The following SLC35F3 variants were observed in gnomAD, a reference collection of about 807,000 sequenced individuals.
SLC35F3 encodes solute carrier family 35 member F3, also known as putative thiamine transporter SLC35F3.
A neutral mutation model predicts 49.9 loss-of-function variants in SLC35F3; 25 were observed. That is an observed-to-expected ratio of 0.50 (90% CI 0.37 to 0.70). The LOEUF (loss-of-function observed/expected upper bound fraction) is 0.70. SLC35F3 is among the 30% of genes least tolerant of loss of function. The pLI, the probability that SLC35F3 is intolerant of heterozygous loss-of-function variation, is 0.00. For missense variants in SLC35F3, 525 were observed against 639.8 expected (o/e 0.82, Z 1.94); for synonymous variants, 275 against 265.4 (o/e 1.04, Z -0.35).
intron 2 of SLC35F3, among the ~76,000 whole-genome samples, chr1:234,165,564 T>C (rs1000638073): frequency 7.9e-5 from 12 of 152,196 alleles, no homozygotes; most frequent in African/African-American, 2.9e-4. Context: ...TTCTCCCTTT[T>C]TGTGGAGAAT....
intron 2 of SLC35F3, among the ~76,000 whole-genome samples, chr1:234,208,584 G>A (rs1008805534): frequency 6.6e-6 from 1 of 152,182 alleles, no homozygotes; most frequent in African/African-American, 2.4e-5. Flanking sequence ...CAGAGAAACT[G>A]GGCATTTTGA....
chr1:234,284,690 C>T (rs10910406), intron 3 of SLC35F3, among the ~76,000 whole-genome samples: 41,420 of 152,024 alleles, frequency 0.27, 5,869 homozygotes, highest in African/African-American at 0.32. Context: ...GAGATGGGGG[C>T]GAGAGAATGC....
intron 2 of SLC35F3, among the ~76,000 whole-genome samples, chr1:233,936,261 T>C (rs78337863): frequency 0.029 from 4,409 of 152,278 alleles, 196 homozygotes; most frequent in African/African-American, 0.1. Context: ...AAGGAGATGT[T>C]ATTGATATTT....
rs185241684 is a variant in SLC35F3, at chr1:234,013,533, A to T, written c.283+107775A>T. Among the ~76,000 whole-genome samples, 12 of 152,122 alleles carry T rather than the reference A, an allele frequency of 7.9e-5. No individual in the cohort carries two copies. The East Asian group carries it at 1.7e-3, about 22-fold the overall frequency. On this transcript the variant is annotated intron_variant, in intron 2 of 7. Coordinates refer to ENST00000366618, the MANE Select transcript of SLC35F3 (RefSeq NM_173508.4). ...CAGAGACTAGAAAAACAATAGAAAA[A>T]AAAAACAATGAAACTACAGAGCTGT...
chr1:233,944,544 T>C, intron 2 of SLC35F3, among the ~76,000 whole-genome samples: 1 of 152,196 alleles, frequency 6.6e-6, no homozygotes, highest in South Asian at 2.1e-4. Flanking sequence ...CCATCGAAGG[T>C]GCAGCTCGGG....
chr1:234,097,784 T>C (rs553314370), intron 2 of SLC35F3, among the ~76,000 whole-genome samples: 14 of 152,294 alleles, frequency 9.2e-5, no homozygotes, highest in Admixed American at 2.0e-4. Context: ...GATGGTACAA[T>C]TTACAAATAT....
At chr1:234,154,048 C>T (rs1472845059) in intron 2 of SLC35F3, among the ~76,000 whole-genome samples, 15 of 150,528 alleles carry the variant, frequency 1.0e-4, no homozygotes, top group Non-Finnish European at 1.9e-4. Flanking sequence ...GGCAACAGAG[C>T]GAGACTCCGT....
At chr1:234,305,220 A>G (rs530621613) in intron 3 of SLC35F3, among the ~76,000 whole-genome samples, 1 of 152,340 alleles carries the variant, frequency 6.6e-6, no homozygotes, top group East Asian at 1.9e-4. Flanking sequence ...AAGTCAAGAC[A>G]GGCTATCCCA....
intron 2 of SLC35F3, among the ~76,000 whole-genome samples, chr1:234,193,018 C>T (rs1322052311): frequency 1.3e-5 from 2 of 152,290 alleles, no homozygotes; most frequent in Admixed American, 6.5e-5. Context: ...AATGACCATA[C>T]TGCCAAAAGC....
chr1:234,266,873 GTTTTTTTTTTTTT>G (rs34040004), intron 3 of SLC35F3, among the ~76,000 whole-genome samples: 1 of 108,646 alleles, frequency 9.2e-6, no homozygotes, highest in African/African-American at 3.5e-5. Context: ...GAAGCACATG[GTTTTTTTTTTTTT>G]TTTTTTTTTT....
At chr1:234,267,161 C>G (rs1667994361) in intron 3 of SLC35F3, among the ~76,000 whole-genome samples, 2 of 137,810 alleles carry the variant, frequency 1.5e-5, no homozygotes, top group Non-Finnish European at 3.1e-5. Context: ...CCTGAGTGGA[C>G]ACAACACATG....
At chr1:233,938,193 G>A (rs1385349434) in intron 2 of SLC35F3, among the ~76,000 whole-genome samples, 2 of 152,150 alleles carry the variant, frequency 1.3e-5, no homozygotes, top group Non-Finnish European at 2.9e-5. Flanking sequence ...CCTAAAAAGT[G>A]GGCATGATGT....
At chr1:234,313,757 T>A (rs1280469263) in intron 4 of SLC35F3, among the ~76,000 whole-genome samples, 1 of 152,172 alleles carries the variant, frequency 6.6e-6, no homozygotes, top group African/African-American at 2.4e-5. Context: ...AGGGCGGACT[T>A]GACTGGCCTT....
chr1:234,275,857 G>A (rs1668201912), intron 3 of SLC35F3, among the ~76,000 whole-genome samples: 1 of 151,692 alleles, frequency 6.6e-6, no homozygotes, highest in Admixed American at 6.6e-5. Context: ...ACTATTCTAA[G>A]CACTGTGCAC....
intron 2 of SLC35F3, among the ~76,000 whole-genome samples, chr1:233,972,610 C>T (rs1033444789): frequency 6.6e-6 from 1 of 152,098 alleles, no homozygotes; most frequent in African/African-American, 2.4e-5. Context: ...AGGATAGAGC[C>T]TGGCACATGG....
intron 2 of SLC35F3, among the ~76,000 whole-genome samples, chr1:233,911,231 A>G (rs1661868970): frequency 6.6e-6 from 1 of 152,172 alleles, no homozygotes; most frequent in African/African-American, 2.4e-5. Context: ...ACAGTGACTT[A>G]TAGTATCATT....
intron 2 of SLC35F3, among the ~76,000 whole-genome samples, chr1:234,176,594 A>T (rs1248689741): frequency 3.3e-5 from 5 of 152,048 alleles, no homozygotes; most frequent in African/African-American, 1.2e-4. Flanking sequence ...CTAGACTCAC[A>T]CTCACAGCCC....
intron 2 of SLC35F3, among the ~76,000 whole-genome samples, chr1:234,140,779 G>C (rs893250227): frequency 1.6e-4 from 24 of 152,234 alleles, no homozygotes; most frequent in Admixed American, 1.6e-3. Flanking sequence ...GAACCTCCTT[G>C]CTCATTTAAA....
intron 2 of SLC35F3, among the ~76,000 whole-genome samples, chr1:234,008,426 C>T (rs764679522): frequency 1.3e-5 from 2 of 152,192 alleles, no homozygotes; most frequent in African/African-American, 4.8e-5. Flanking sequence ...AGAAGTAGGT[C>T]CCTCTCTGGT....
Sources: allele counts gnomAD v4.1 joint callset (sites outside exome capture counted in the v4.1 genomes callset), GRCh38; gene constraint gnomAD v4.1.1; transcripts MANE v1.5; gene names NCBI Gene and HGNC (gene_info 2026-07-23, HGNC 2026-07-21).